The following NCOA2 variants were observed in gnomAD, a reference collection of about 807,000 sequenced individuals.
NCOA2 encodes the protein class E basic helix-loop-helix protein 75.
A neutral mutation model predicts 145.1 loss-of-function variants in NCOA2; 21 were observed. That is an observed-to-expected ratio of 0.14 (90% CI 0.10 to 0.21). NCOA2 has a LOEUF of 0.21. NCOA2 is among the 10% of genes least tolerant of loss of function. NCOA2 has a pLI of 1.00. For synonymous variants in NCOA2, 619 were observed against 637.5 expected, an observed-to-expected ratio of 0.97 and a Z score of 0.44; for missense variants, 1,472 against 1,837.6, an observed-to-expected ratio of 0.80 and a Z score of 3.64.
At chr8:70,245,054 TTC>T (rs1167031162) in intron 2 of NCOA2, 2 of 152,138 alleles carry the variant, frequency 1.3e-5, no homozygotes, top group African/African-American at 2.4e-5. Flanking sequence ...GCTCAGCAGC[TTC>T]TCTTTATCTT....
At chr8:70,262,147 A>C (rs1187470959) in intron 2 of NCOA2, among the ~76,000 whole-genome samples, 1 of 152,194 alleles carries the variant, frequency 6.6e-6, no homozygotes, top group Non-Finnish European at 1.5e-5. Flanking sequence ...ATATTTATTG[A>C]GTGCTTATTA....
At chr8:70,235,553 C>T (rs930825948) in intron 2 of NCOA2, among the ~76,000 whole-genome samples, 1 of 152,152 alleles carries the variant, frequency 6.6e-6, no homozygotes, top group African/African-American at 2.4e-5. Flanking sequence ...ACCATCAATA[C>T]TTCTCTTAGG....
At chr8:70,243,096 A>G (rs542622580) in intron 2 of NCOA2, among the ~76,000 whole-genome samples, 26 of 152,194 alleles carry the variant, frequency 1.7e-4, no homozygotes, top group Non-Finnish European at 1.6e-4. Flanking sequence ...AGATAACTCA[A>G]TATGTTAATC....
Position 70,138,113 on chromosome 8 carries a change from A to C in NCOA2, c.3158+90T>G, listed in dbSNP as rs533327013. The C allele has an allele frequency of 2.3e-3, 3,211 of 1,396,770 alleles. 5 individuals are homozygous for C. The highest frequency in any genetic ancestry group is 2.8e-3 in the Non-Finnish European group (2,888 of 1,028,768). 86.5% of individuals were successfully genotyped at this position (1,396,770 alleles called of 1,614,324 possible). On this transcript the variant is annotated intron_variant, in intron 15 of 22. Transcript: ENST00000452400. ...TAGATAATATAGTACCAATAAATGA[A>C]AACTGGTCAGGCACCGACTACTCCA...
intron 2 of NCOA2, among the ~76,000 whole-genome samples, chr8:70,238,348 T>G (rs984297648): frequency 6.6e-6 from 1 of 152,220 alleles, no homozygotes; most frequent in East Asian, 1.9e-4. Context: ...GAATGTATTA[T>G]GCATGACATT....
chr8:70,439,975 AC>A, the NCOA2 span, among the ~76,000 whole-genome samples: 1 of 151,914 alleles, frequency 6.6e-6, no homozygotes, highest in East Asian at 1.9e-4. Context: ...CTTGCCAAAG[AC>A]TCTGGGACCC....
chr8:70,223,098 C>T (rs1015304162), intron 2 of NCOA2, among the ~76,000 whole-genome samples: 4 of 152,110 alleles, frequency 2.6e-5, no homozygotes, highest in African/African-American at 9.7e-5. Flanking sequence ...TAAGCATTTT[C>T]TCTCCCCTTC....
At chr8:70,151,891 AT>A (rs370792290) in intron 11 of NCOA2, among the ~76,000 whole-genome samples, 6,958 of 149,286 alleles carry the variant, frequency 0.047, 262 homozygotes, top group East Asian at 0.16. Context: ...TGACTACAGA[AT>A]TTTTTTTTTT....
chr8:70,148,400 C>T lies in NCOA2; in HGVS notation c.2478G>A (p.Arg826=), dbSNP rs1222017422. Residue 826 remains arginine, a synonymous_variant, in exon 12 of 23, where the codon AGG becomes AGA. Coordinates refer to ENST00000452400, the MANE Select transcript of NCOA2 (RefSeq NM_006540.4). ...SQLPQLFPDT[R]PGAPAGSVDK... ...CAACTGATCCAGCAGGGGCGCCTGG[C>T]CTCGTGTCTGGGAAAAGCTGTGGTA... The T allele has an allele frequency of 6.2e-7, 1 of 1,613,902 alleles. No homozygotes were observed.
chr8:70,265,856 A>T (rs1179129022), intron 2 of NCOA2, among the ~76,000 whole-genome samples: 1 of 151,676 alleles, frequency 6.6e-6, no homozygotes, highest in Non-Finnish European at 1.5e-5. Context: ...TTTTAAAGAG[A>T]CAGAGTCGGC....
chr8:70,307,220 C>CAAAAAAAAAAAAAAAAAAAAAAA (rs57161747), intron 1 of NCOA2, among the ~76,000 whole-genome samples: 2 of 71,642 alleles, frequency 2.8e-5, no homozygotes, highest in African/African-American at 8.9e-5. Flanking sequence ...CCTACATAAG[C>CAAAAAAAAAAAAAAAAAAAAAAA]AAAAAAAAAA....
At chr8:70,415,570 A>C in the NCOA2 span, among the ~76,000 whole-genome samples, 18 of 152,328 alleles carry the variant, frequency 1.2e-4, no homozygotes, top group African/African-American at 3.6e-4. Context: ...AATCAAAGTT[A>C]AAATACTTCC....
chr8:70,279,335 CTT>C (rs1386226945), intron 2 of NCOA2, among the ~76,000 whole-genome samples: 1 of 152,152 alleles, frequency 6.6e-6, no homozygotes, highest in East Asian at 1.9e-4. Context: ...TGAAATGTGT[CTT>C]TTCTCATTAC....
intron 17 of NCOA2, 60 bp from the exon 18 acceptor site, chr8:70,128,570 CAA>C (rs1283579945): frequency 1.5e-5 from 24 of 1,588,902 alleles, no homozygotes; most frequent in Non-Finnish European, 2.0e-5. Flanking sequence ...TACTTTAAAT[CAA>C]GTTTCCCAAG....
chr8:70,166,058 G>A (rs371066671), intron 7 of NCOA2, among the ~76,000 whole-genome samples: 2 of 152,046 alleles, frequency 1.3e-5, no homozygotes, highest in African/African-American at 4.8e-5. Context: ...TCCTGATCTC[G>A]TGATCCACCC....
the NCOA2 span, among the ~76,000 whole-genome samples, chr8:70,431,875 A>C: frequency 6.6e-5 from 10 of 152,268 alleles, no homozygotes; most frequent in African/African-American, 2.4e-4. Flanking sequence ...TTTTTTATTC[A>C]TATAGTTCTG....
chr8:70,161,906 C>T (rs1232281802), intron 9 of NCOA2, among the ~76,000 whole-genome samples: 4 of 151,586 alleles, frequency 2.6e-5, no homozygotes, highest in African/African-American at 9.7e-5. Flanking sequence ...TTGGTTCCTA[C>T]CTCTTTAACA....
chr8:70,201,049 C>CAAAAAAAA (rs60951750), intron 4 of NCOA2, among the ~76,000 whole-genome samples: 39 of 63,874 alleles, frequency 6.1e-4, no homozygotes, highest in Non-Finnish European at 7.4e-4. Context: ...GACTGTGTCT[C>CAAAAAAAA]AAAAAAAAAA....
chr8:70,159,722 T>C lies in NCOA2; in HGVS notation c.977-70A>G, dbSNP rs561366894. On this transcript the variant is annotated intron_variant, in intron 9 of 22. Coordinates refer to ENST00000452400, the MANE Select transcript of NCOA2 (RefSeq NM_006540.4). The stretch of plus-strand genomic sequence containing the variant: ...TTGAGGGGTCGGGGAGGACAAGACA[T>C]AATAAGAGTAATCAACTTCATTAAG... 47 of 1,341,234 alleles carry C rather than the reference T, an allele frequency of 3.5e-5. No individual in the cohort carries two copies. In the African/African-American group the frequency reaches 6.1e-4, roughly 17 times the overall value. The allele number at this position is 1,341,234 out of a possible 1,614,324, so 83.1% of individuals were successfully genotyped here.
Sources: allele counts gnomAD v4.1 joint callset (sites outside exome capture counted in the v4.1 genomes callset), GRCh38; gene constraint gnomAD v4.1.1; transcripts MANE v1.5; gene names NCBI Gene and HGNC (gene_info 2026-07-23, HGNC 2026-07-21).